TCEANC2: variants seen among roughly 807,000 people sequenced by gnomAD.
TCEANC2 encodes transcription elongation factor A N-terminal and central domain-containing protein 2.
Under a neutral mutation model 22.8 loss-of-function variants are expected in TCEANC2, and 20 were observed. The ratio of observed to expected loss-of-function variants is 0.88; its 90% confidence interval spans 0.62 to 1.28. The LOEUF is 1.28. TCEANC2 is among the 50% of genes most tolerant of loss of function. The pLI, the probability that TCEANC2 is intolerant of heterozygous loss-of-function variation, is 0.00. For missense variants in TCEANC2, 251 were observed against 249.7 expected, an observed-to-expected ratio of 1.01 and a Z score of -0.03; for synonymous variants, 84 against 95.5, an observed-to-expected ratio of 0.88 and a Z score of 0.70.
Position 54,096,324 on chromosome 1 carries a change from T to A in TCEANC2, c.478T>A (p.Phe160Ile), listed in dbSNP as rs997728832. The change falls in exon 5 of 5, where the codon TTT becomes ATT. Residue 160 changes from phenylalanine (F) to isoleucine (I), a missense_variant. Transcript: ENST00000234827. This position sits in a 1 kb window ranked among gnomAD's most constrained non-coding sequence, Gnocchi z 4.9. ...GGTTGAAAATATTGAACGGGAAACG[T>A]TTCATCTCTGCTCCCGCCTCATTAA... ...LLVENIERET[F>I]HLCSRLINGP... 2.5e-6 allele frequency: 4 copies of A among 1,603,054 alleles called. No individual in the cohort carries two copies. The African/African-American group carries it at 5.4e-5, about 21-fold the overall frequency.
intron 3 of TCEANC2, among the ~76,000 whole-genome samples, chr1:54,085,906 T>C (rs1329578873): frequency 2.0e-5 from 3 of 152,034 alleles, no homozygotes; most frequent in Non-Finnish European, 4.4e-5. Flanking sequence ...GCTAATTTTT[T>C]AATTTTTTGT....
chr1:54,071,846 G>A (rs1455795806), intron 3 of TCEANC2, among the ~76,000 whole-genome samples: 1 of 150,634 alleles, frequency 6.6e-6, no homozygotes, highest in African/African-American at 2.5e-5. Flanking sequence ...GGGTCTTTCT[G>A]TGTCACCCAG....
chr1:54,086,025 C>A (rs981423251), intron 3 of TCEANC2, among the ~76,000 whole-genome samples: 5 of 152,214 alleles, frequency 3.3e-5, no homozygotes, highest in African/African-American at 1.2e-4. Context: ...TGAGCCACTG[C>A]ACCCAGGCGA....
chr1:54,076,676 A>C (rs951768826), intron 3 of TCEANC2, among the ~76,000 whole-genome samples: 29 of 152,296 alleles, frequency 1.9e-4, no homozygotes, highest in African/African-American at 7.0e-4. Context: ...AGAAAAATGC[A>C]TAGGAAAAGG....
chr1:54,066,404 G>A (rs1472143504), intron 2 of TCEANC2, among the ~76,000 whole-genome samples: 1 of 152,194 alleles, frequency 6.6e-6, no homozygotes, highest in Admixed American at 6.5e-5. Flanking sequence ...AAAAGATAGA[G>A]ATTCTCAGAT....
At position 54,104,634 on chromosome 1, in the gene TCEANC2, T is replaced by G. The variant is rs1356722456; in HGVS notation, c.*8161T>G. On this transcript the variant is annotated 3_prime_UTR_variant, in exon 5 of 5. Transcript: ENST00000234827. ...TCGGCTCACTGCAACCTCTGCCTCC[T>G]GGGTTCAAGCTATTCTCCTGCCTCA... The G allele has an allele frequency of 2.3e-6, 1 of 443,538 alleles. No homozygotes were observed. The highest frequency in any genetic ancestry group is 4.6e-6 in the Non-Finnish European group (1 of 218,416). The allele number at this position is 443,538 out of a possible 1,614,324, so 27.5% of individuals were successfully genotyped here.
chr1:54,081,485 G>A (rs967547475), intron 3 of TCEANC2, among the ~76,000 whole-genome samples: 1 of 152,090 alleles, frequency 6.6e-6, no homozygotes, highest in Admixed American at 6.5e-5. Context: ...GCACTCAAGC[G>A]ATCCTCCTGC....
intron 2 of TCEANC2, among the ~76,000 whole-genome samples, chr1:54,062,224 T>C (rs1439444216): frequency 6.6e-6 from 1 of 152,232 alleles, no homozygotes; most frequent in African/African-American, 2.4e-5. Flanking sequence ...TAAAACCAGA[T>C]GGTATATTGG....
In TCEANC2 at chr1:54,088,607, G is replaced by A; in HGVS notation, c.255G>A (p.Val85=). The change falls in exon 4 of 5, where the codon GTG becomes GTA. Residue 85 remains valine, a synonymous_variant. Transcript: ENST00000234827. ...VLKSTRIGHT[V]NKMRKHSDSE... is the part of the protein sequence containing the mutation. ...CTCTTCCTGTTCCAGGTCACACTGT[G>A]AACAAGATGCGTAAACACTCAGATT... is the stretch of plus-strand genomic sequence containing the variant. 1 of 1,601,256 alleles carries A rather than the reference G, an allele frequency of 6.2e-7. No individual in the cohort carries two copies. The highest frequency in any genetic ancestry group is 8.5e-7 in the Non-Finnish European group (1 of 1,176,352).
At chr1:54,054,235 A>G in intron 1 of TCEANC2, 146 bp from the exon 2 acceptor site, 1 of 1,438,528 alleles carries the variant, frequency 7.0e-7, no homozygotes, top group Non-Finnish European at 9.1e-7. Context: ...TCTTTCTTTT[A>G]AAGAGAAAAT....
chr1:54,056,130 A>G (rs1033825200), intron 2 of TCEANC2, among the ~76,000 whole-genome samples: 2 of 152,178 alleles, frequency 1.3e-5, no homozygotes, highest in African/African-American at 4.8e-5. Context: ...ACTGCATAGA[A>G]CACATTCAAG....
At position 54,081,806 on chromosome 1, in the gene TCEANC2, A is replaced by G. The variant is rs77846519; in HGVS notation, c.245-6791A>G. 3.1e-3 allele frequency among the ~76,000 whole-genome samples: 469 copies of G among 152,286 alleles called. 2 individuals carry two copies. Among genetic ancestry groups the G allele is most frequent in the African/African-American group, 0.011 (443 of 41,558 alleles). On this transcript the variant is annotated intron_variant, in intron 3 of 4. Coordinates refer to ENST00000234827, the MANE Select transcript of TCEANC2 (RefSeq NM_153035.3). ...CAGAACACTCCTGACCAGTCTGGGC[A>G]TGGCTCTTGTGGGAGTATCTGAGGG...
intron 2 of TCEANC2, among the ~76,000 whole-genome samples, chr1:54,060,511 G>C (rs1379568114): frequency 6.6e-6 from 1 of 152,080 alleles, no homozygotes; most frequent in African/African-American, 2.4e-5. Flanking sequence ...TGAGGCTGTA[G>C]TGAGCTATGA....
chr1:54,089,839 C>G (rs1570019946), intron 4 of TCEANC2: 1 of 495,324 alleles, frequency 2.0e-6, no homozygotes, highest in South Asian at 3.0e-5. Context: ...TGCCACAGTT[C>G]TGTCTTCACC....
intron 2 of TCEANC2, among the ~76,000 whole-genome samples, chr1:54,058,300 G>A (rs1037761143): frequency 5.3e-5 from 8 of 152,062 alleles, no homozygotes; most frequent in African/African-American, 1.7e-4. Context: ...TCCCTGAGAC[G>A]CAGAGCCAAT....
chr1:54,073,380 T>C (rs1658092532), intron 3 of TCEANC2, among the ~76,000 whole-genome samples: 1 of 152,248 alleles, frequency 6.6e-6, no homozygotes, highest in African/African-American at 2.4e-5. Flanking sequence ...CCTGGAATAC[T>C]TTAGCACACC....
chr1:54,056,957 G>T (rs1657762955), intron 2 of TCEANC2, among the ~76,000 whole-genome samples: 1 of 151,656 alleles, frequency 6.6e-6, no homozygotes, highest in Non-Finnish European at 1.5e-5. Context: ...TGGGAGGATT[G>T]CTTGAACCTG....
chr1:54,091,023 G>A (rs1317153799), intron 4 of TCEANC2, among the ~76,000 whole-genome samples: 2 of 152,032 alleles, frequency 1.3e-5, no homozygotes, highest in Non-Finnish European at 2.9e-5. Context: ...AGTTAAAAAA[G>A]TGATATGTTT....
rs371890157 is a variant in TCEANC2 at position 54,096,366 on chromosome 1, A to T, written c.520A>T (p.Thr174Ser). ...SRLINGPYRR[T>S]VRALVFTLKH... ...CCTCATTAATGGGCCGTACCGGCGG[A>T]CGGTGAGAGCCCTGGTCTTCACATT... Residue 174 changes from threonine (T) to serine (S), a missense_variant, in exon 5 of 5, where the codon ACG becomes TCG. By Grantham distance (58) the Thr-to-Ser change is moderately conservative. Coordinates refer to ENST00000234827, the MANE Select transcript of TCEANC2 (RefSeq NM_153035.3). The surrounding 1 kb of genome is among the most constrained non-coding windows in gnomAD (Gnocchi z 4.9). The T allele has an allele frequency of 3.1e-6, 5 of 1,613,008 alleles. No individual in the cohort carries two copies. Among genetic ancestry groups the T allele is most frequent in the Non-Finnish European group, 4.2e-6 (5 of 1,179,068 alleles).
Sources: gnomAD v4.1 joint callset for allele counts (sites outside exome capture counted in the v4.1 genomes callset) on GRCh38, gnomAD v4.1.1 for gene constraint, Gnocchi (gnomAD v3.1) non-coding constraint, MANE v1.5 for transcripts, NCBI Gene and HGNC (gene_info 2026-07-23, HGNC 2026-07-21) for gene names.